Variants in CAMTA1 observed in about 807,000 individuals in gnomAD.
CAMTA1 encodes the protein calmodulin binding transcription activator 1.
Under a neutral mutation model 170.9 loss-of-function variants are expected in CAMTA1, and 27 were observed. The observed-to-expected ratio is 0.16, with a 90% CI of 0.12 to 0.22. The LOEUF (loss-of-function observed/expected upper bound fraction) is 0.22. Ranked by LOEUF, CAMTA1 falls within the 10% of genes least tolerant of loss-of-function variation. The probability of loss-of-function intolerance (pLI) is 1.00; values close to 1 mark genes in which losing one functional copy is unlikely to be tolerated. For synonymous variants in CAMTA1, 833 were observed against 891.5 expected (o/e 0.93, Z 1.17); for missense variants, 1,619 against 2,217.2 (o/e 0.73, Z 5.42).
chr1:7,672,448 A>G (rs2096068869), intron 10 of CAMTA1, among the ~76,000 whole-genome samples: 1 of 151,204 alleles, frequency 6.6e-6, no homozygotes, highest in African/African-American at 2.4e-5. Flanking sequence ...TTTGAGATGG[A>G]GTCTCACTCT....
At chr1:7,048,349 AC>A (rs1369228308) in intron 3 of CAMTA1, among the ~76,000 whole-genome samples, 3 of 152,224 alleles carry the variant, frequency 2.0e-5, no homozygotes, top group Admixed American at 2.0e-4. Context: ...CCAGGTAACT[AC>A]CAGAGTGAGA....
At chr1:7,282,094 C>T (rs1289294415) in intron 5 of CAMTA1, among the ~76,000 whole-genome samples, 4 of 152,076 alleles carry the variant, frequency 2.6e-5, no homozygotes, top group Admixed American at 6.5e-5. Flanking sequence ...ATCACTCCAC[C>T]TTCTTATAGA....
intron 4 of CAMTA1, among the ~76,000 whole-genome samples, chr1:7,123,504 T>A (rs975978215): frequency 2.0e-5 from 3 of 152,196 alleles, no homozygotes; most frequent in Non-Finnish European, 4.4e-5. Flanking sequence ...AGGTGCCACG[T>A]CTGCTGCGTG....
intron 9 of CAMTA1, among the ~76,000 whole-genome samples, chr1:7,666,029 C>T (rs948497935): frequency 3.3e-5 from 5 of 151,682 alleles, no homozygotes; most frequent in African/African-American, 7.3e-5. Flanking sequence ...ATTAACTGGG[C>T]GTAGTGGCAC....
chr1:7,283,179 C>T (rs1671759415), intron 5 of CAMTA1, among the ~76,000 whole-genome samples: 2 of 152,188 alleles, frequency 1.3e-5, no homozygotes, highest in Non-Finnish European at 2.9e-5. Flanking sequence ...TCTCACCCTT[C>T]TCCAACCTCC....
Position 7,767,204 on chromosome 1 carries a change from A to C in CAMTA1, c.*713A>C, listed in dbSNP as rs961548951. 6.5e-6 allele frequency: 1 copy of C among 152,802 alleles called. No homozygotes were observed. The highest frequency in any genetic ancestry group is 2.4e-5 in the African/African-American group (1 of 41,448). The allele number at this position is 152,802 out of a possible 1,614,324, so 9.5% of individuals were successfully genotyped here. ...GGAAATAATGAGAAGCAGCTCACAG[A>C]GTTTAAACTATTTTCTTGTCCCCAC... is the stretch of plus-strand genomic sequence containing the variant. On this transcript the variant is annotated 3_prime_UTR_variant, in exon 23 of 23. Transcript: ENST00000303635.
At chr1:7,345,718 G>A (rs1038036204) in intron 5 of CAMTA1, among the ~76,000 whole-genome samples, 2 of 152,204 alleles carry the variant, frequency 1.3e-5, no homozygotes, top group African/African-American at 4.8e-5. Context: ...CCCAGTTAAC[G>A]ACATCAGGGC....
rs61387662 is a variant in CAMTA1 at position 7,370,914 on chromosome 1, C to CTTTTTTTTTTTTTTTTTTTTTTTTTT, written c.439-96901_439-96900insTTTTTTTTTTTTTTTTTTTTTTTTTT. ...TATGGCACTTTCTTTTTCTTTCTTTCTTTTTTTTTTTTTTTGAGACGGAGT... is the reference window on the plus strand; with the variant it reads ...TATGGCACTTTCTTTTTCTTTCTTTCTTTTTTTTTTTTTTTTTTTTTTTTTTTTTTTTTTTTTTTTTGAGACGGAGT... On this transcript the variant is annotated intron_variant, in intron 5 of 22. Transcript: ENST00000303635. Among the ~76,000 whole-genome samples, 8 of 110,010 alleles carry CTTTTTTTTTTTTTTTTTTTTTTTTTT rather than the reference C, an allele frequency of 7.3e-5. 1 individual carries two copies. The highest frequency in any genetic ancestry group is 1.0e-4 in the Non-Finnish European group (6 of 58,434). 72.2% of individuals were successfully genotyped at this position (110,010 alleles called of 152,430 possible).
intron 6 of CAMTA1, among the ~76,000 whole-genome samples, chr1:7,471,934 T>A (rs939652029): frequency 6.6e-6 from 1 of 152,224 alleles, no homozygotes; most frequent in Non-Finnish European, 1.5e-5. Flanking sequence ...AGGCCAGACT[T>A]CCCTGCAGAT....
rs1249476043 is a variant in CAMTA1 at position 7,270,287 on chromosome 1, A to AT, written c.438+20662dup. 1.9e-3 allele frequency among the ~76,000 whole-genome samples: 208 copies of AT among 111,524 alleles called. 4 individuals carry two copies. Among genetic ancestry groups the AT allele is most frequent in the African/African-American group, 7.9e-3 (194 of 24,694 alleles). The allele number at this position is 111,524 out of a possible 152,430, so 73.2% of individuals were successfully genotyped here. ...CACACACACACACATATATATATAT[A>AT]TATATTTTTTTTTTTTTTTCTTGTG... is the stretch of plus-strand genomic sequence containing the variant. On this transcript the variant is annotated intron_variant, in intron 5 of 22. Transcript: ENST00000303635.
chr1:7,276,303 ATTTTTTTT>A (rs1180773965), intron 5 of CAMTA1, among the ~76,000 whole-genome samples: 5 of 24,228 alleles, frequency 2.1e-4, no homozygotes, highest in East Asian at 1.5e-3. Context: ...ATATATATAT[ATTTTTTTT>A]TTTTTTTTTT....
At chr1:7,124,823 T>G (rs1349187207) in intron 4 of CAMTA1, among the ~76,000 whole-genome samples, 2 of 152,202 alleles carry the variant, frequency 1.3e-5, no homozygotes, top group African/African-American at 4.8e-5. Context: ...CCAAGTTTTC[T>G]GCAATTTAGT....
chr1:7,302,808 A>G (rs1674975097), intron 5 of CAMTA1, among the ~76,000 whole-genome samples: 1 of 152,198 alleles, frequency 6.6e-6, no homozygotes, highest in Non-Finnish European at 1.5e-5. Flanking sequence ...CATGGATTCA[A>G]TAAACGTGGT....
At chr1:7,692,112 G>A (rs751749179) in intron 11 of CAMTA1, among the ~76,000 whole-genome samples, 56 of 152,132 alleles carry the variant, frequency 3.7e-4, no homozygotes, top group Non-Finnish European at 1.5e-4. Context: ...AACCAGGCTG[G>A]GTAGGGTGTC....
At chr1:7,258,974 A>G (rs1469247199) in intron 5 of CAMTA1, among the ~76,000 whole-genome samples, 4 of 152,328 alleles carry the variant, frequency 2.6e-5, no homozygotes, top group East Asian at 3.9e-4. Flanking sequence ...TCATGAGGAA[A>G]ACAGGGTGTA....
chr1:6,895,780 A>G (rs1357085697), intron 3 of CAMTA1, among the ~76,000 whole-genome samples: 1 of 152,098 alleles, frequency 6.6e-6, no homozygotes, highest in Admixed American at 6.5e-5. Context: ...ATCCTCAGAG[A>G]GACCCTCCCC....
intron 6 of CAMTA1, among the ~76,000 whole-genome samples, chr1:7,569,982 C>G (rs192382823): frequency 6.6e-6 from 1 of 152,344 alleles, no homozygotes; most frequent in East Asian, 1.9e-4. Flanking sequence ...CCTTTGGACT[C>G]TTAGTGGAAA....
intron 7 of CAMTA1, among the ~76,000 whole-genome samples, chr1:7,660,377 A>AT (rs888098924): frequency 6.6e-5 from 10 of 151,740 alleles, no homozygotes; most frequent in East Asian, 1.9e-4. Flanking sequence ...TCTACAAATA[A>AT]TTTTTTTTTA....
At chr1:7,653,210 G>A (rs1002008236) in intron 7 of CAMTA1, among the ~76,000 whole-genome samples, 26 of 152,180 alleles carry the variant, frequency 1.7e-4, no homozygotes, top group African/African-American at 2.2e-4. Context: ...GTCTGGCCCC[G>A]TGCCCTGCCC....
Sources: gnomAD v4.1 joint callset for allele counts (sites outside exome capture counted in the v4.1 genomes callset) on GRCh38, gnomAD v4.1.1 for gene constraint, MANE v1.5 for transcripts, NCBI Gene and HGNC (gene_info 2026-07-23, HGNC 2026-07-21) for gene names.